Variants in BDP1 observed in about 807,000 individuals in gnomAD.
BDP1 encodes the protein BDP1 general transcription factor IIIB subunit.
Under a neutral mutation model 266.6 loss-of-function variants are expected in BDP1, and 169 were observed. That is an observed-to-expected ratio of 0.63 (90% confidence interval 0.56 to 0.72). BDP1 has a LOEUF of 0.72. Among genes scored for constraint, BDP1 ranks in the 30% least tolerant of loss-of-function variants. The pLI is 0.00. For synonymous variants in BDP1, 1,090 were observed against 1,022.4 expected (o/e 1.07, Z -1.26); for missense variants, 3,015 against 3,053.8 (o/e 0.99, Z 0.30).
chr5:71,515,055 T>C lies in BDP1; in HGVS notation c.4582T>C (p.Ser1528Pro), dbSNP rs780475722. The change falls in exon 20 of 39, where the codon TCT (serine) becomes CCT (proline). Residue 1528 changes from serine (S) to proline (P), a missense_variant. By Grantham distance (74) the Ser-to-Pro change is moderately conservative (BLOSUM62 -1). Transcript: ENST00000358731. ...TGAAAGGAACCTTTCACCTTCAAAT[T>C]CTTGTGAACCTAAAGAGGAGTCTCA... is the stretch of plus-strand genomic sequence containing the variant. ...QTERNLSPSN[S>P]CEPKEESQSA... 1 of 1,613,034 alleles carries C rather than the reference T, an allele frequency of 6.2e-7. No individual in the cohort carries two copies. Among genetic ancestry groups the C allele is most frequent in the African/African-American group, 1.3e-5 (1 of 74,816 alleles).
At position 71,565,510 on chromosome 5, in the gene BDP1, A is replaced by G. The variant is rs1015920032; in HGVS notation, c.*625A>G. 1 of 152,506 alleles carries G rather than the reference A, an allele frequency of 6.6e-6. No homozygotes were observed. Among genetic ancestry groups the G allele is most frequent in the African/African-American group, 2.4e-5 (1 of 41,458 alleles). 9.4% of individuals were successfully genotyped at this position (152,506 alleles called of 1,614,324 possible). On this transcript the variant is annotated 3_prime_UTR_variant, in exon 39 of 39. Coordinates refer to ENST00000358731, the MANE Select transcript of BDP1 (RefSeq NM_018429.3). ...TTTAGATATGTTTAGATACACAAATACTTACTATTGTGTTACAACTGCCTA... is the reference window on the plus strand; with the variant it reads ...TTTAGATATGTTTAGATACACAAATGCTTACTATTGTGTTACAACTGCCTA...
intron 28 of BDP1, 133 bp from the exon 29 acceptor site, chr5:71,541,319 CTT>C (rs1766949014): frequency 2.1e-6 from 1 of 483,402 alleles, no homozygotes; most frequent in African/African-American, 2.0e-5. Context: ...TTTCTAAAAT[CTT>C]TTTCTATTGC....
chr5:71,573,991 T>C, the BDP1 span, among the ~76,000 whole-genome samples: 2 of 152,188 alleles, frequency 1.3e-5, no homozygotes, highest in East Asian at 3.8e-4. Flanking sequence ...CTTTTGAGAA[T>C]GTAAATGCGG....
intron 32 of BDP1, among the ~76,000 whole-genome samples, chr5:71,547,265 G>C (rs1742398817): frequency 6.8e-6 from 1 of 147,900 alleles, no homozygotes; most frequent in African/African-American, 2.5e-5. Flanking sequence ...TTGTCTTTTT[G>C]TTCACAAAAG....
At chr5:71,467,639 T>C (rs1188762626) in intron 6 of BDP1, 152 bp downstream of exon 6, 2 of 647,714 alleles carry the variant, frequency 3.1e-6, no homozygotes, top group Admixed American at 3.2e-5. Flanking sequence ...ATGCCCTCCA[T>C]GGAATGGTAT....
intron 22 of BDP1, among the ~76,000 whole-genome samples, chr5:71,521,238 A>G (rs1322589295): frequency 2.0e-5 from 3 of 151,642 alleles, no homozygotes; most frequent in African/African-American, 7.3e-5. Context: ...AGAGAACTCA[A>G]GATAGGTACT....
chr5:71,571,184 A>G (rs905939611), downstream of BDP1, among the ~76,000 whole-genome samples: 31 of 152,160 alleles, frequency 2.0e-4, no homozygotes, highest in Admixed American at 1.4e-3. Flanking sequence ...TGGCCCTGTT[A>G]CCTAGGCTGG....
Position 71,489,410 on chromosome 5 carries a change from A to T in BDP1, c.1220A>T (p.Lys407Ile). ...TKPRKNVKVK[K>I]VACEGVNNDP... Reference sequence around the variant, plus strand: ...TAATTTCTCTTGTTTTCAGTGAAAAAAGTTGCCTGTGAAGGAGTGAATAAT... The same window carrying T: ...TAATTTCTCTTGTTTTCAGTGAAAATAGTTGCCTGTGAAGGAGTGAATAAT... The change falls in exon 10 of 39, where the codon AAA becomes ATA. Residue 407 changes from lysine (K) to isoleucine (I), a missense_variant. By Grantham distance (102) the Lys-to-Ile change is moderately radical. Coordinates refer to ENST00000358731, the MANE Select transcript of BDP1 (RefSeq NM_018429.3). 1 of 1,579,164 alleles carries T rather than the reference A, an allele frequency of 6.3e-7. No homozygotes were observed. The highest frequency in any genetic ancestry group is 8.6e-7 in the Non-Finnish European group (1 of 1,168,072).
rs1190400926 is a variant in BDP1, at chr5:71,567,677, A to G, written c.*2792A>G. On this transcript the variant is annotated 3_prime_UTR_variant, in exon 39 of 39. Transcript: ENST00000358731. ...CCACTGTTTACCATCATGTTATTTGAAACAAAAGTGACCATGTATACTATC... is the reference window on the plus strand; with the variant it reads ...CCACTGTTTACCATCATGTTATTTGGAACAAAAGTGACCATGTATACTATC... The G allele has an allele frequency of 6.6e-6, 1 of 152,632 alleles. No individual in the cohort carries two copies. The highest frequency in any genetic ancestry group is 1.5e-5 in the Non-Finnish European group (1 of 68,034). 9.5% of individuals were successfully genotyped at this position (152,632 alleles called of 1,614,324 possible).
Position 71,510,014 on chromosome 5 carries a change from T to G in BDP1, c.2922T>G (p.Thr974=), listed in dbSNP as rs1216924502. The G allele has an allele frequency of 1.9e-6, 3 of 1,613,804 alleles. No homozygotes were observed. The East Asian group carries it at 6.7e-5, about 36-fold the overall frequency. ...SSPREKTPEV[T]DATEEIDKNL... The stretch of plus-strand genomic sequence containing the variant: ...CAAGGGAGAAGACACCAGAGGTGAC[T>G]GATGCCACTGAGGAAATAGACAAAA... The change falls in exon 17 of 39, where the codon ACT becomes ACG. Residue 974 remains threonine, a synonymous_variant. Transcript: ENST00000358731.
At chr5:71,514,547 G>C (rs1765118347) in intron 19 of BDP1, among the ~76,000 whole-genome samples, 1 of 152,070 alleles carries the variant, frequency 6.6e-6, no homozygotes, top group Non-Finnish European at 1.5e-5. Flanking sequence ...CTTGCTTTCT[G>C]ATTTTTCCAC....
At position 71,532,437 on chromosome 5, in the gene BDP1, C is replaced by A; in HGVS notation, c.5892+10C>A. 6.2e-7 allele frequency: 1 copy of A among 1,611,676 alleles called. No individual in the cohort carries two copies. Among genetic ancestry groups the A allele is most frequent in the South Asian group, 1.1e-5 (1 of 90,584 alleles). On this transcript the variant is annotated intron_variant, in intron 26 of 38. Coordinates refer to ENST00000358731, the MANE Select transcript of BDP1 (RefSeq NM_018429.3). ...TTTGAGTGTACCGTTTGTAAGCATC[C>A]ATTTTAATATGTTTTGGCCTTTTAT...
chr5:71,505,547 A>G (rs1561720280), intron 16 of BDP1, among the ~76,000 whole-genome samples: 1 of 152,222 alleles, frequency 6.6e-6, no homozygotes, highest in South Asian at 2.1e-4. Flanking sequence ...TTACTGGTAT[A>G]CTATTTCAAC....
At chr5:71,531,085 A>T (rs567773668) in intron 25 of BDP1, among the ~76,000 whole-genome samples, 51 of 152,122 alleles carry the variant, frequency 3.4e-4, no homozygotes, top group African/African-American at 1.2e-3. Context: ...AAAAAAAAAT[A>T]ACGTATGTCT....
At chr5:71,474,705 G>A (rs1479597965) in intron 7 of BDP1, among the ~76,000 whole-genome samples, 1 of 151,684 alleles carries the variant, frequency 6.6e-6, no homozygotes, top group African/African-American at 2.4e-5. Flanking sequence ...AAATTAGCCA[G>A]GTGTGGTGGC....
chr5:71,509,362 A>C, intron 16 of BDP1, 103 bp from the exon 17 acceptor site: 5 of 1,319,246 alleles, frequency 3.8e-6, no homozygotes, highest in Non-Finnish European at 4.0e-6. Context: ...ATTTTTTTGA[A>C]TTTGAGAGTT....
intron 32 of BDP1, chr5:71,545,478 T>C: frequency 2.2e-6 from 1 of 447,898 alleles, no homozygotes; most frequent in South Asian, 3.3e-5. Flanking sequence ...ACTACAGGCA[T>C]GTGTCACCAC....
chr5:71,487,383 A>AGCTGGGTGACG (rs1286680093), intron 9 of BDP1, among the ~76,000 whole-genome samples: 1 of 152,060 alleles, frequency 6.6e-6, no homozygotes, highest in Non-Finnish European at 1.5e-5. Context: ...CTGGGATTAC[A>AGCTGGGTGACG]GGTGCCCGTC....
intron 16 of BDP1, 127 bp from the exon 17 acceptor site, chr5:71,509,338 C>T: frequency 1.9e-6 from 2 of 1,069,578 alleles, no homozygotes; most frequent in East Asian, 2.6e-5. Context: ...CCAGCGATTC[C>T]TAGGCCTTCC....
Sources: allele counts gnomAD v4.1 joint callset (sites outside exome capture counted in the v4.1 genomes callset), GRCh38; gene constraint gnomAD v4.1.1; transcripts MANE v1.5; gene names NCBI Gene and HGNC (gene_info 2026-07-23, HGNC 2026-07-21).